Variants in PHIP observed in about 807,000 individuals in gnomAD.
PHIP encodes PH-interacting protein.
PHIP carries 54 observed loss-of-function variants against 236.8 expected under a neutral mutation model. The observed-to-expected ratio is 0.23, with a 90% CI of 0.18 to 0.29. The LOEUF (loss-of-function observed/expected upper bound fraction) is 0.29, where lower values mean the gene tolerates loss of function less well. PHIP is among the 10% of genes least tolerant of loss of function. The pLI is 1.00. For synonymous variants in PHIP, 756 were observed against 718.9 expected, an observed-to-expected ratio of 1.05 and a Z score of -0.83; for missense variants, 1,370 against 2,190.8, an observed-to-expected ratio of 0.63 and a Z score of 7.48.
In PHIP at chr6:78,954,822, C is replaced by A; in HGVS notation, c.4045G>T (p.Glu1349Ter). The A allele has an allele frequency of 6.3e-7, 1 of 1,577,848 alleles. No homozygotes were observed. Among genetic ancestry groups the A allele is most frequent in the Non-Finnish European group, 8.6e-7 (1 of 1,167,270 alleles). ...EPFRQPVDLL[E>*]YPDYRDIIDT... ...TTTTCAAAAATACTTACTGGATATTCAAGGAGATCTACCGGCTGACGGAAA... is the reference window on the plus strand; with the variant it reads ...TTTTCAAAAATACTTACTGGATATTAAAGGAGATCTACCGGCTGACGGAAA... The change falls in exon 35 of 40, where the codon GAA (glutamate) becomes TAA (stop). Residue 1349 changes from glutamate (E) to a stop codon, truncating the protein, a stop_gained. Coordinates refer to ENST00000275034, the MANE Select transcript of PHIP (RefSeq NM_017934.7). LOFTEE classifies it high-confidence loss of function.
intron 7 of PHIP, among the ~76,000 whole-genome samples, chr6:79,041,437 C>A (rs556445522): frequency 4.2e-4 from 64 of 151,974 alleles, no homozygotes; most frequent in Non-Finnish European, 9.0e-4. Flanking sequence ...GCTTACAATC[C>A]CTATCATTTT....
At chr6:78,981,420 T>A (rs1768522508) in intron 23 of PHIP, among the ~76,000 whole-genome samples, 1 of 152,010 alleles carries the variant, frequency 6.6e-6, no homozygotes, top group Non-Finnish European at 1.5e-5. Context: ...GGGAATACCC[T>A]CCAGTATCCT....
At chr6:79,002,258 T>G (rs1258295393) in intron 16 of PHIP, 134 bp from the exon 17 acceptor site, 3 of 592,986 alleles carry the variant, frequency 5.1e-6, no homozygotes, top group Non-Finnish European at 8.9e-6. Flanking sequence ...TTTTAAAATA[T>G]TATTTTCCTG....
At chr6:79,015,254 T>A in intron 14 of PHIP, 38 bp from the exon 15 acceptor site, 1 of 1,507,284 alleles carries the variant, frequency 6.6e-7, no homozygotes, top group Non-Finnish European at 9.2e-7. Flanking sequence ...TCATAGATAT[T>A]AAAAAAGAAA....
intron 29 of PHIP, 115 bp downstream of exon 29, chr6:78,965,588 A>C (rs1489709465): frequency 3.1e-6 from 2 of 639,342 alleles, no homozygotes; most frequent in Non-Finnish European, 5.6e-6. Context: ...TTGCCAAATG[A>C]ATGTTTTCTA....
At chr6:79,020,601 A>T (rs1242004888) in intron 9 of PHIP, among the ~76,000 whole-genome samples, 2 of 152,208 alleles carry the variant, frequency 1.3e-5, no homozygotes, top group Admixed American at 1.3e-4. Context: ...TTTACCTGAA[A>T]CTCATTACAA....
intron 4 of PHIP, among the ~76,000 whole-genome samples, chr6:79,061,271 T>G (rs1480908020): frequency 6.6e-6 from 1 of 152,156 alleles, no homozygotes; most frequent in Non-Finnish European, 1.5e-5. Flanking sequence ...AAAATACTAT[T>G]GTATTACTTC....
chr6:79,018,699 T>C (rs995564973), intron 10 of PHIP, among the ~76,000 whole-genome samples: 3 of 151,926 alleles, frequency 2.0e-5, no homozygotes, highest in Admixed American at 1.3e-4. Flanking sequence ...TGTACAAATA[T>C]GAATCAAATT....
intron 26 of PHIP, 64 bp downstream of exon 26, chr6:78,969,985 A>C: frequency 1.3e-6 from 2 of 1,592,054 alleles, no homozygotes; most frequent in Non-Finnish European, 1.7e-6. Context: ...GTTCAAATGT[A>C]TCTGAATCTT....
intron 7 of PHIP, among the ~76,000 whole-genome samples, chr6:79,037,816 C>A (rs942196183): frequency 6.6e-6 from 1 of 152,194 alleles, no homozygotes; most frequent in Non-Finnish European, 1.5e-5. Flanking sequence ...TTGATTCATT[C>A]ATCATTTGTG....
At chr6:79,053,800 A>G (rs562874193) in intron 6 of PHIP, among the ~76,000 whole-genome samples, 15 of 152,328 alleles carry the variant, frequency 9.8e-5, no homozygotes, top group East Asian at 3.9e-4. Context: ...GCAAACTAAA[A>G]GGGAAAATGG....
intron 6 of PHIP, among the ~76,000 whole-genome samples, chr6:79,045,356 T>C (rs1239484869): frequency 1.3e-5 from 2 of 152,138 alleles, no homozygotes; most frequent in African/African-American, 2.4e-5. Flanking sequence ...ATCAAATAGG[T>C]AGATAATTTT....
chr6:78,963,750 C>T (rs1766944853), intron 29 of PHIP, among the ~76,000 whole-genome samples: 1 of 152,170 alleles, frequency 6.6e-6, no homozygotes, highest in Admixed American at 6.5e-5. Context: ...TTTCTGCATG[C>T]TTGAATCTTT....
intron 7 of PHIP, among the ~76,000 whole-genome samples, chr6:79,031,067 C>T (rs1771651482): frequency 6.6e-6 from 1 of 152,088 alleles, no homozygotes; most frequent in African/African-American, 2.4e-5. Context: ...CCTCAGCCTC[C>T]AGAATAGCTG....
At chr6:79,024,404 C>T (rs1771282683) in intron 9 of PHIP, among the ~76,000 whole-genome samples, 1 of 152,186 alleles carries the variant, frequency 6.6e-6, no homozygotes, top group African/African-American at 2.4e-5. Context: ...GCCATTTCAA[C>T]ACTGTGAAAT....
At chr6:79,012,183 T>C (rs182578116) in intron 15 of PHIP, among the ~76,000 whole-genome samples, 214 of 151,774 alleles carry the variant, frequency 1.4e-3, no homozygotes, top group African/African-American at 4.9e-3. Context: ...CATTATCTTT[T>C]GCAAAGGTAT....
intron 6 of PHIP, among the ~76,000 whole-genome samples, chr6:79,050,731 CTAGAGA>C (rs955769452): frequency 2.6e-5 from 4 of 151,784 alleles, no homozygotes; most frequent in East Asian, 3.9e-4. Flanking sequence ...AAAAATAAAC[CTAGAGA>C]TAAAGATGCA....
intron 6 of PHIP, among the ~76,000 whole-genome samples, chr6:79,056,136 G>C (rs1226864613): frequency 6.6e-6 from 1 of 152,104 alleles, no homozygotes; most frequent in African/African-American, 2.4e-5. Context: ...GTATAGTAGA[G>C]GAAACAAAGG....
chr6:79,057,080 CAG>C (rs1032794335), intron 6 of PHIP, among the ~76,000 whole-genome samples: 13 of 152,166 alleles, frequency 8.5e-5, no homozygotes, highest in Admixed American at 2.6e-4. Flanking sequence ...TAACAAGGTT[CAG>C]AGAGTGTCAA....
Sources: gnomAD v4.1 joint callset for allele counts (sites outside exome capture counted in the v4.1 genomes callset) on GRCh38, gnomAD v4.1.1 for gene constraint, MANE v1.5 for transcripts, NCBI Gene and HGNC (gene_info 2026-07-23, HGNC 2026-07-21) for gene names.